The following KIF16B variants were observed in gnomAD, a reference collection of about 807,000 sequenced individuals.
KIF16B encodes the protein kinesin-like protein KIF16B.
In KIF16B, 98 loss-of-function variants were observed where a neutral mutation model predicts 156.3. That is an observed-to-expected ratio of 0.63 (90% CI 0.53 to 0.74). The LOEUF (loss-of-function observed/expected upper bound fraction) is 0.74. KIF16B is among the 30% of genes least tolerant of loss of function. The pLI is 0.00. For missense variants in KIF16B, 1,421 were observed against 1,606.5 expected (o/e 0.88, Z 1.97); for synonymous variants, 564 against 583.7 (o/e 0.97, Z 0.49).
chr20:16,526,995 A>C (rs551436730), intron 2 of KIF16B, among the ~76,000 whole-genome samples: 1 of 152,248 alleles, frequency 6.6e-6, no homozygotes, highest in Non-Finnish European at 1.5e-5. Flanking sequence ...CAACAGAGTA[A>C]TCGAGGAAAA....
At chr20:16,286,582 T>G (rs1450492464) in intron 25 of KIF16B, among the ~76,000 whole-genome samples, 1 of 152,190 alleles carries the variant, frequency 6.6e-6, no homozygotes, top group Admixed American at 6.5e-5. Flanking sequence ...CTATACTTAT[T>G]CATCTCTCTG....
chr20:16,382,402 T>C (rs12625823), intron 17 of KIF16B, among the ~76,000 whole-genome samples: 2 of 152,190 alleles, frequency 1.3e-5, no homozygotes, highest in African/African-American at 4.8e-5. Context: ...TGAGTACCAA[T>C]AATAAATATA....
At chr20:16,366,149 G>T (rs534500443) in intron 22 of KIF16B, among the ~76,000 whole-genome samples, 2 of 152,118 alleles carry the variant, frequency 1.3e-5, no homozygotes, top group Non-Finnish European at 2.9e-5. Context: ...TCTTACCTAG[G>T]AGGAGGCAGC....
Position 16,361,262 on chromosome 20 carries a change from G to A in KIF16B, c.3499-4810C>T, listed in dbSNP as rs1424154038. Reference sequence around the variant, plus strand: ...TATGCCCCAACAATTTGAAAATGGAGATTTGGGGAAAGAGACGACGAAGAT... The same window carrying A: ...TATGCCCCAACAATTTGAAAATGGAAATTTGGGGAAAGAGACGACGAAGAT... On this transcript the variant is annotated intron_variant, in intron 22 of 25. Coordinates refer to ENST00000354981, the MANE Select transcript of KIF16B (RefSeq NM_024704.5). Among the ~76,000 whole-genome samples, 4 of 152,280 alleles carry A rather than the reference G, an allele frequency of 2.6e-5. No homozygotes were observed. The East Asian group carries it at 7.7e-4, about 29-fold the overall frequency.
intron 25 of KIF16B, among the ~76,000 whole-genome samples, chr20:16,277,430 T>C (rs992218240): frequency 1.3e-5 from 2 of 149,702 alleles, no homozygotes; most frequent in Non-Finnish European, 3.0e-5. Flanking sequence ...TTAGCCAATG[T>C]ACTTGAACTC....
intron 2 of KIF16B, among the ~76,000 whole-genome samples, chr20:16,526,478 G>C (rs931296583): frequency 6.6e-6 from 1 of 152,154 alleles, no homozygotes; most frequent in Non-Finnish European, 1.5e-5. Context: ...TCCACCTTCA[G>C]TGATTTTTTA....
At chr20:16,434,671 C>G (rs2066596423) in intron 12 of KIF16B, among the ~76,000 whole-genome samples, 1 of 152,108 alleles carries the variant, frequency 6.6e-6, no homozygotes, top group Non-Finnish European at 1.5e-5. Flanking sequence ...ACCAGGCACA[C>G]AGTAGTCACT....
At chr20:16,464,779 G>T (rs1225602949) in intron 12 of KIF16B, among the ~76,000 whole-genome samples, 2 of 152,106 alleles carry the variant, frequency 1.3e-5, no homozygotes, top group African/African-American at 2.4e-5. Context: ...CTTGAACTCT[G>T]AATTTCTTTG....
chr20:16,280,841 C>CGCGCGCGTGT (rs112026824), intron 25 of KIF16B, among the ~76,000 whole-genome samples: 1 of 74,434 alleles, frequency 1.3e-5, no homozygotes, highest in Non-Finnish European at 2.7e-5. Flanking sequence ...TGCGCGCGCA[C>CGCGCGCGTGT]GTGTGTGTGT....
intron 25 of KIF16B, among the ~76,000 whole-genome samples, chr20:16,295,714 C>G (rs2063376146): frequency 6.6e-6 from 1 of 152,050 alleles, no homozygotes; most frequent in African/African-American, 2.4e-5. Context: ...GGACTATGAA[C>G]CTTACTCATG....
chr20:16,510,633 A>G (rs973200983), intron 6 of KIF16B, among the ~76,000 whole-genome samples: 5 of 152,168 alleles, frequency 3.3e-5, no homozygotes, highest in African/African-American at 1.2e-4. Context: ...TGGGCGACAG[A>G]GCAAGACTCC....
At chr20:16,322,889 C>T (rs1331703392) in intron 24 of KIF16B, among the ~76,000 whole-genome samples, 1 of 152,070 alleles carries the variant, frequency 6.6e-6, no homozygotes, top group East Asian at 1.9e-4. Context: ...TTGGAGGCAA[C>T]AGACAGTATA....
intron 25 of KIF16B, among the ~76,000 whole-genome samples, chr20:16,288,080 G>A (rs77821856): frequency 0.021 from 3,145 of 152,266 alleles, 102 homozygotes; most frequent in African/African-American, 0.071. Context: ...ATGCCATTAG[G>A]ACTCAACTTC....
chr20:16,499,115 CGTGAGGGG>C (rs755939050), intron 10 of KIF16B, among the ~76,000 whole-genome samples: 3 of 152,084 alleles, frequency 2.0e-5, no homozygotes, highest in African/African-American at 4.8e-5. Context: ...ACCATTCATA[CGTGAGGGG>C]TCGAGATTCA....
intron 1 of KIF16B, among the ~76,000 whole-genome samples, chr20:16,543,129 T>G (rs1225867730): frequency 6.6e-6 from 1 of 152,204 alleles, no homozygotes; most frequent in African/African-American, 2.4e-5. Flanking sequence ...GATGGTCAAC[T>G]GGGTTTGGGA....
intron 25 of KIF16B, among the ~76,000 whole-genome samples, chr20:16,279,060 C>T (rs767207414): frequency 1.3e-5 from 2 of 152,192 alleles, no homozygotes; most frequent in African/African-American, 2.4e-5. Context: ...GGGAATGCTT[C>T]GGTATCTCCC....
intron 25 of KIF16B, among the ~76,000 whole-genome samples, chr20:16,305,425 T>C (rs1200129558): frequency 6.6e-6 from 1 of 152,238 alleles, no homozygotes; most frequent in Non-Finnish European, 1.5e-5. Context: ...TGATATGCTA[T>C]AGTTGTACAT....
chr20:16,418,065 G>A (rs1441390631), intron 15 of KIF16B, among the ~76,000 whole-genome samples: 2 of 152,028 alleles, frequency 1.3e-5, no homozygotes, highest in Non-Finnish European at 2.9e-5. Flanking sequence ...GGTTAACCCC[G>A]AGAAATCCAT....
chr20:16,278,482 C>T lies in KIF16B; in HGVS notation c.3796-5071G>A, dbSNP rs150084853. ...ATCAAATTTAGATGGCTAATCTTTA[C>T]GGTATATTTCAGTGCTGACATAGAG... On this transcript the variant is annotated intron_variant, in intron 25 of 25. Transcript: ENST00000354981. 7.4e-3 allele frequency among the ~76,000 whole-genome samples: 1,131 copies of T among 152,182 alleles called. 9 individuals carry two copies. The highest frequency in any genetic ancestry group is 0.017 in the Middle Eastern group (5 of 294).
Sources: allele counts gnomAD v4.1 joint callset (sites outside exome capture counted in the v4.1 genomes callset), GRCh38; gene constraint gnomAD v4.1.1; transcripts MANE v1.5; gene names NCBI Gene and HGNC (gene_info 2026-07-23, HGNC 2026-07-21).